The following STMN2 variants were observed in gnomAD, a reference collection of about 807,000 sequenced individuals.
STMN2 encodes the protein stathmin 2.
In STMN2, 2 loss-of-function variants were observed where a neutral mutation model predicts 24.1. The observed-to-expected ratio is 0.08, with a 90% CI of 0.03 to 0.26. STMN2 has a LOEUF of 0.26. Among genes scored for constraint, STMN2 ranks in the 10% least tolerant of loss-of-function variants. The probability of loss-of-function intolerance (pLI) is 1.00; values close to 1 mark genes in which losing one functional copy is unlikely to be tolerated. For synonymous variants in STMN2, 83 were observed against 77.5 expected (o/e 1.07, Z -0.37); for missense variants, 114 against 213.6 (o/e 0.53, Z 2.91).
intron 2 of STMN2, among the ~76,000 whole-genome samples, chr8:79,639,399 A>T (rs1378788432): frequency 6.6e-6 from 1 of 152,204 alleles, no homozygotes; most frequent in African/African-American, 2.4e-5. Flanking sequence ...TCAGACTTCA[A>T]ACAAGGATCA....
chr8:79,662,594 C>T (rs1806525873), intron 4 of STMN2, among the ~76,000 whole-genome samples: 2 of 152,008 alleles, frequency 1.3e-5, no homozygotes, highest in African/African-American at 4.8e-5. Context: ...GACTAAAATG[C>T]CTGAAAACAA....
At chr8:79,637,647 T>C (rs1296540076) in intron 2 of STMN2, among the ~76,000 whole-genome samples, 5 of 152,214 alleles carry the variant, frequency 3.3e-5, no homozygotes, top group African/African-American at 1.2e-4. Flanking sequence ...AAACCAAGCC[T>C]AGCTCATTAT....
chr8:79,646,743 A>G (rs1322002081), intron 3 of STMN2, among the ~76,000 whole-genome samples: 1 of 152,210 alleles, frequency 6.6e-6, no homozygotes, highest in East Asian at 1.9e-4. Flanking sequence ...CCATTTCACT[A>G]CTTTATGTGA....
chr8:79,650,494 C>T (rs769513012), intron 3 of STMN2, among the ~76,000 whole-genome samples: 8 of 152,166 alleles, frequency 5.3e-5, no homozygotes, highest in Non-Finnish European at 8.8e-5. Flanking sequence ...GTTTTCTGGA[C>T]TAACTGCTTA....
chr8:79,636,698 A>G (rs1401422545), intron 1 of STMN2, 104 bp from the exon 2 acceptor site: 2 of 1,017,660 alleles, frequency 2.0e-6, no homozygotes, highest in Non-Finnish European at 2.9e-6. Flanking sequence ...CTACCTGGCA[A>G]TATTCACTCT....
At chr8:79,619,065 A>T (rs1585873618) in intron 1 of STMN2, among the ~76,000 whole-genome samples, 1 of 151,520 alleles carries the variant, frequency 6.6e-6, no homozygotes, top group African/African-American at 2.4e-5. Context: ...CTAGGACTGA[A>T]TGATTTTTTT....
At chr8:79,653,322 AG>A (rs1220941526) in intron 3 of STMN2, among the ~76,000 whole-genome samples, 1 of 152,200 alleles carries the variant, frequency 6.6e-6, no homozygotes, top group Non-Finnish European at 1.5e-5. Flanking sequence ...GATTACAGTG[AG>A]CAGAGATCAC....
intron 4 of STMN2, among the ~76,000 whole-genome samples, chr8:79,656,484 C>T (rs577846564): frequency 6.6e-6 from 1 of 152,312 alleles, no homozygotes; most frequent in East Asian, 1.9e-4. Flanking sequence ...TGATTTATGG[C>T]GGTATAGGAA....
At chr8:79,662,288 G>T (rs137870701) in intron 4 of STMN2, among the ~76,000 whole-genome samples, 106 of 152,170 alleles carry the variant, frequency 7.0e-4, no homozygotes, top group Middle Eastern at 3.4e-3. Flanking sequence ...ATTTAGATAT[G>T]CTTGGGCCTC....
At chr8:79,645,696 T>C (rs1252255150) in intron 3 of STMN2, among the ~76,000 whole-genome samples, 2 of 152,204 alleles carry the variant, frequency 1.3e-5, no homozygotes, top group East Asian at 3.8e-4. Flanking sequence ...GTACTGTAAG[T>C]AATAGGATCT....
chr8:79,618,644 A>G (rs1043159870), intron 1 of STMN2, among the ~76,000 whole-genome samples: 4 of 152,228 alleles, frequency 2.6e-5, no homozygotes, highest in Non-Finnish European at 5.9e-5. Context: ...TAATAAAGGA[A>G]TCAGGCCCTG....
At position 79,611,129 on chromosome 8, in the gene STMN2, C is replaced by A. The variant is rs1050885159; in HGVS notation, c.-67C>A. ...CAGTGCCTTATTCAGTCTTCTCTCT[C>A]GCTCTCTCCGCTGCTGTAGCCGGAC... On this transcript the variant is annotated 5_prime_UTR_variant, in exon 1 of 5. Transcript: ENST00000220876. 1.1e-5 allele frequency: 18 copies of A among 1,607,988 alleles called. No homozygotes were observed. The highest frequency in any genetic ancestry group is 1.4e-5 in the Non-Finnish European group (17 of 1,175,848).
chr8:79,632,678 C>T (rs1809835502), intron 1 of STMN2, among the ~76,000 whole-genome samples: 1 of 152,166 alleles, frequency 6.6e-6, no homozygotes, highest in South Asian at 2.1e-4. Flanking sequence ...ATTTCCAGAG[C>T]ATTCTTTACT....
At chr8:79,638,832 T>C (rs13277750) in intron 2 of STMN2, among the ~76,000 whole-genome samples, 52,706 of 151,998 alleles carry the variant, frequency 0.35, 9,284 homozygotes, top group South Asian at 0.41. Context: ...GAGCCTCTAA[T>C]CTAAGGCATT....
intron 1 of STMN2, among the ~76,000 whole-genome samples, chr8:79,629,243 G>A (rs1809740853): frequency 6.6e-6 from 1 of 151,664 alleles, no homozygotes; most frequent in Non-Finnish European, 1.5e-5. Flanking sequence ...AACCTCAACG[G>A]TATTATTTTC....
chr8:79,663,733 C>T, intron 4 of STMN2: 1 of 1,244,222 alleles, frequency 8.0e-7, no homozygotes, highest in Non-Finnish European at 1.1e-6. Flanking sequence ...ATTCAATGAA[C>T]ATTTATTTAG....
rs537598473 is a variant in STMN2, at chr8:79,655,163, G to C, written c.480+101G>C. 5.7e-6 allele frequency: 8 copies of C among 1,399,060 alleles called. No homozygotes were observed. In the African/African-American group the frequency reaches 1.0e-4, roughly 18 times the overall value. The allele number at this position is 1,399,060 out of a possible 1,614,324, so 86.7% of individuals were successfully genotyped here. On this transcript the variant is annotated intron_variant, in intron 4 of 4. Transcript: ENST00000220876. ...CACAGAGACGAAGTCAAAATTTGCTGCAGGTGTGAGGACAACTAACTCCCA... is the reference window on the plus strand; with the variant it reads ...CACAGAGACGAAGTCAAAATTTGCTCCAGGTGTGAGGACAACTAACTCCCA...
intron 2 of STMN2, 71 bp downstream of exon 2, chr8:79,636,968 T>C: frequency 1.5e-6 from 2 of 1,374,794 alleles, no homozygotes; most frequent in Non-Finnish European, 2.1e-6. Context: ...ATTTGTTTCT[T>C]ACAGCTCCTG....
At chr8:79,653,682 T>C (rs1170125158) in intron 3 of STMN2, among the ~76,000 whole-genome samples, 4 of 152,256 alleles carry the variant, frequency 2.6e-5, no homozygotes, top group Non-Finnish European at 5.9e-5. Flanking sequence ...ACTAATGCTT[T>C]CAATGGTAAT....
Sources: gnomAD v4.1 joint callset for allele counts (sites outside exome capture counted in the v4.1 genomes callset) on GRCh38, gnomAD v4.1.1 for gene constraint, MANE v1.5 for transcripts, NCBI Gene and HGNC (gene_info 2026-07-23, HGNC 2026-07-21) for gene names.